Variants in COMMD1 observed in about 807,000 individuals in gnomAD.
The protein encoded by COMMD1 is copper metabolism domain containing 1.
COMMD1 carries 10 observed loss-of-function variants against 17.2 expected under a neutral mutation model. The ratio of observed to expected loss-of-function variants is 0.58; its 90% confidence interval spans 0.36 to 0.99. COMMD1 has a LOEUF of 0.99. Among genes scored for constraint, COMMD1 ranks in the 50% least tolerant of loss-of-function variants. The probability of loss-of-function intolerance (pLI) is 0.01; values close to 1 mark genes in which losing one functional copy is unlikely to be tolerated. For synonymous variants in COMMD1, 97 were observed against 91.6 expected, an observed-to-expected ratio of 1.06 and a Z score of -0.34; for missense variants, 270 against 231.8, an observed-to-expected ratio of 1.17 and a Z score of -1.07.
At chr2:61,938,582 G>T (rs890555511) in intron 1 of COMMD1, among the ~76,000 whole-genome samples, 2 of 152,124 alleles carry the variant, frequency 1.3e-5, no homozygotes, top group African/African-American at 4.8e-5. Flanking sequence ...CATGTTCTAA[G>T]GCCTTTTCAG....
At chr2:61,968,162 G>GA (rs142593859) in intron 1 of COMMD1, among the ~76,000 whole-genome samples, 16,356 of 146,884 alleles carry the variant, frequency 0.11, 2,033 homozygotes, top group African/African-American at 0.31. Flanking sequence ...CTCCCTCTCA[G>GA]AAAAAAAAAA....
chr2:61,919,755 A>C (rs539333529), intron 1 of COMMD1, among the ~76,000 whole-genome samples: 1 of 152,216 alleles, frequency 6.6e-6, no homozygotes, highest in African/African-American at 2.4e-5. Flanking sequence ...TAACTAAATA[A>C]ATTTGAATAT....
chr2:61,927,236 A>G (rs1301880108), intron 1 of COMMD1, among the ~76,000 whole-genome samples: 1 of 152,226 alleles, frequency 6.6e-6, no homozygotes, highest in African/African-American at 2.4e-5. Flanking sequence ...TAAGGATTGA[A>G]GCAAAGGAAA....
intron 2 of COMMD1, among the ~76,000 whole-genome samples, chr2:62,050,661 T>C (rs1276897870): frequency 2.6e-5 from 4 of 152,232 alleles, no homozygotes; most frequent in Non-Finnish European, 4.4e-5. Context: ...CATGCCTTGC[T>C]GTAGAAACTT....
intron 1 of COMMD1, among the ~76,000 whole-genome samples, chr2:61,995,879 T>G (rs530203465): frequency 6.6e-6 from 1 of 152,296 alleles, no homozygotes; most frequent in African/African-American, 2.4e-5. Context: ...CAGACATACC[T>G]CGGAAATACC....
At chr2:61,905,556 G>C (rs1001716832), upstream of COMMD1, 26 of 946,956 alleles carry the variant, frequency 2.7e-5, no homozygotes, top group Non-Finnish European at 3.7e-5. Flanking sequence ...TGACCCCTGG[G>C]GAAGCCTTGC....
At chr2:61,921,405 A>G (rs545926028) in intron 1 of COMMD1, among the ~76,000 whole-genome samples, 43 of 152,282 alleles carry the variant, frequency 2.8e-4, no homozygotes, top group Non-Finnish European at 5.4e-4. Flanking sequence ...ACTGTTGGTC[A>G]TTGTTTCTGA....
chr2:62,125,284 A>G lies in COMMD1; in HGVS notation c.463-10547A>G, dbSNP rs976232496. 2.0e-5 allele frequency among the ~76,000 whole-genome samples: 3 copies of G among 152,226 alleles called. No homozygotes were observed. The East Asian group carries it at 5.8e-4, about 29-fold the overall frequency. ...TTCATTTATTAGAGTAAATTCTGTT[A>G]CTTCCTGCAGACTCTATCTTAGTCC... On this transcript the variant is annotated intron_variant, in intron 2 of 2. Coordinates refer to ENST00000311832, the MANE Select transcript of COMMD1 (RefSeq NM_152516.4).
intron 2 of COMMD1, among the ~76,000 whole-genome samples, chr2:62,014,858 C>A (rs1669392359): frequency 6.6e-6 from 1 of 152,026 alleles, no homozygotes; most frequent in Admixed American, 6.6e-5. Flanking sequence ...AGCCACTGCG[C>A]CCGGCCATTT....
intron 2 of COMMD1, chr2:62,090,689 T>C (rs1671801088): frequency 6.6e-6 from 1 of 152,218 alleles, no homozygotes; most frequent in Non-Finnish European, 1.5e-5. Context: ...GAAGCGGCCC[T>C]TCCCCGTATA....
chr2:61,888,775 G>T, exon 1 of COMMD1: 1 of 508,228 alleles, frequency 2.0e-6, no homozygotes, highest in East Asian at 3.5e-5. Context: ...GGGGCGCTGT[G>T]GGTGAAGAGC....
chr2:62,057,478 A>T (rs1241229150), intron 2 of COMMD1, among the ~76,000 whole-genome samples: 2 of 152,170 alleles, frequency 1.3e-5, no homozygotes, highest in Non-Finnish European at 2.9e-5. Context: ...TTGTGTGTTT[A>T]TGAAGAATTT....
At chr2:62,135,081 G>A (rs1210756144) in intron 2 of COMMD1, among the ~76,000 whole-genome samples, 2 of 152,202 alleles carry the variant, frequency 1.3e-5, no homozygotes, top group Admixed American at 1.3e-4. Flanking sequence ...CCAAGGTGCT[G>A]TGGAGACAGT....
At chr2:62,127,604 C>T (rs888542424) in intron 2 of COMMD1, among the ~76,000 whole-genome samples, 1 of 152,130 alleles carries the variant, frequency 6.6e-6, no homozygotes, top group Non-Finnish European at 1.5e-5. Context: ...CTCAACAAAC[C>T]TGACAAAAAA....
intron 1 of COMMD1, among the ~76,000 whole-genome samples, chr2:61,934,327 C>T (rs1309781473): frequency 2.0e-5 from 3 of 152,090 alleles, no homozygotes; most frequent in Admixed American, 6.6e-5. Context: ...TGAATTTTGC[C>T]TTAGGCTTGA....
rs753295309 is a variant in COMMD1, at chr2:61,905,709, C to A, written c.31C>A (p.Pro11Thr). Residue 11 changes from proline (P) to threonine (T), a missense_variant, in exon 1 of 3, where the codon CCC becomes ACC. Transcript: ENST00000311832. ...GGCGGGCGAGCTTGAGGGTGGCAAA[C>A]CCCTGAGCGGGCTGCTGAATGCGCT... Reference protein sequence around the residue: MAAGELEGGKPLSGLLNALAQ... With the variant: MAAGELEGGKTLSGLLNALAQ... 6.3e-7 allele frequency: 1 copy of A among 1,597,958 alleles called. No homozygotes were observed. Among genetic ancestry groups the A allele is most frequent in the Non-Finnish European group, 8.5e-7 (1 of 1,172,002 alleles).
Position 61,987,345 on chromosome 2 carries a change from C to T in COMMD1, c.181-13356C>T, listed in dbSNP as rs183647119. ...ACTCATCCTCTTTGGGAAGGCTTTC[C>T]AGGTATTTGAAAGGATGGGGGTGTT... is the stretch of plus-strand genomic sequence containing the variant. On this transcript the variant is annotated intron_variant, in intron 1 of 2. Coordinates refer to ENST00000311832, the MANE Select transcript of COMMD1 (RefSeq NM_152516.4). 1.7e-3 allele frequency among the ~76,000 whole-genome samples: 256 copies of T among 152,146 alleles called. 1 individual carries two copies. Among genetic ancestry groups the T allele is most frequent in the African/African-American group, 5.8e-3 (241 of 41,504 alleles).
chr2:61,989,460 T>C (rs1242095001), intron 1 of COMMD1, among the ~76,000 whole-genome samples: 5 of 150,142 alleles, frequency 3.3e-5, no homozygotes, highest in Admixed American at 1.3e-4. Context: ...CTGGCAAATA[T>C]TGATTTTTTT....
rs568290280 is a variant in COMMD1, at chr2:62,089,563, A to T, written c.463-46268A>T. The stretch of plus-strand genomic sequence containing the variant: ...CTCTCAAAGTGCTGGGATTACAGGC[A>T]TGAGCCACTGCACCTGGCCTGCAGG... On this transcript the variant is annotated intron_variant, in intron 2 of 2. Transcript: ENST00000311832. Among the ~76,000 whole-genome samples the T allele has an allele frequency of 3.3e-5, 5 of 152,282 alleles. No homozygotes were observed. The South Asian group carries it at 1.0e-3, about 32-fold the overall frequency.
Sources: allele counts gnomAD v4.1 joint callset (sites outside exome capture counted in the v4.1 genomes callset), GRCh38; gene constraint gnomAD v4.1.1; transcripts MANE v1.5; gene names NCBI Gene and HGNC (gene_info 2026-07-23, HGNC 2026-07-21).